The following GALNT13 variants were observed in gnomAD, a reference collection of about 807,000 sequenced individuals.
GALNT13 encodes the protein UDP-GalNAc:polypeptide N-acetylgalactosaminyltransferase 13.
In GALNT13, 28 loss-of-function variants were observed where a neutral mutation model predicts 64.2. That is an observed-to-expected ratio of 0.44 (90% CI 0.32 to 0.60). The LOEUF (loss-of-function observed/expected upper bound fraction) is 0.60, where lower values mean the gene tolerates loss of function less well. GALNT13 is among the 20% of genes least tolerant of loss of function. The pLI is 0.05. For synonymous variants in GALNT13, 214 were observed against 224.6 expected (o/e 0.95, Z 0.42); for missense variants, 577 against 669.8 (o/e 0.86, Z 1.53).
At chr2:154,274,273 G>A (rs1691516019) in intron 8 of GALNT13, among the ~76,000 whole-genome samples, 1 of 152,160 alleles carries the variant, frequency 6.6e-6, no homozygotes, top group East Asian at 1.9e-4. Flanking sequence ...AAGTTCAAAG[G>A]AGGGAACGAT....
At chr2:153,660,538 A>T in the GALNT13 span, among the ~76,000 whole-genome samples, 10 of 149,846 alleles carry the variant, frequency 6.7e-5, no homozygotes, top group Admixed American at 5.4e-4. Context: ...GGATTGGAGG[A>T]CATATATAAT....
the GALNT13 span, among the ~76,000 whole-genome samples, chr2:153,801,438 T>C: frequency 1.6e-4 from 24 of 152,078 alleles, no homozygotes; most frequent in East Asian, 2.9e-3. Flanking sequence ...GAGATATTAA[T>C]TGGACTACTT....
the GALNT13 span, among the ~76,000 whole-genome samples, chr2:153,318,751 A>G: frequency 6.6e-6 from 1 of 152,184 alleles, no homozygotes; most frequent in African/African-American, 2.4e-5. Flanking sequence ...CTGCACTAAT[A>G]TTATCTATGA....
chr2:153,718,168 G>T, the GALNT13 span, among the ~76,000 whole-genome samples: 1 of 151,872 alleles, frequency 6.6e-6, no homozygotes, highest in South Asian at 2.1e-4. Context: ...TTTCATCATT[G>T]TTACTATTAG....
the GALNT13 span, among the ~76,000 whole-genome samples, chr2:153,307,467 A>C: frequency 3.5e-4 from 54 of 152,312 alleles, no homozygotes; most frequent in African/African-American, 1.3e-3. Context: ...TACTGGATGA[A>C]CAATTACAAA....
chr2:154,372,935 C>T (rs1697781697), intron 9 of GALNT13, among the ~76,000 whole-genome samples: 1 of 152,034 alleles, frequency 6.6e-6, no homozygotes, highest in Non-Finnish European at 1.5e-5. Context: ...AAAAGATAAA[C>T]TCAGTTTTTT....
At chr2:154,331,481 T>TA (rs994886045) in intron 9 of GALNT13, among the ~76,000 whole-genome samples, 10 of 151,696 alleles carry the variant, frequency 6.6e-5, no homozygotes, top group African/African-American at 1.5e-4. Context: ...TTTTTTTTTT[T>TA]AAAATGTAGA....
chr2:153,659,404 C>T, the GALNT13 span, among the ~76,000 whole-genome samples: 4 of 152,054 alleles, frequency 2.6e-5, no homozygotes, highest in African/African-American at 7.2e-5. Context: ...CTACAGATAA[C>T]ACAAAAATGA....
chr2:153,637,627 T>C, the GALNT13 span, among the ~76,000 whole-genome samples: 1 of 152,156 alleles, frequency 6.6e-6, no homozygotes, highest in African/African-American at 2.4e-5. Context: ...ATGCATGTTA[T>C]CAATGAGTAT....
chr2:154,298,546 AT>A (rs1337662976), intron 8 of GALNT13, among the ~76,000 whole-genome samples: 1 of 89,824 alleles, frequency 1.1e-5, no homozygotes, highest in Non-Finnish European at 2.2e-5. Flanking sequence ...ATATTTATAT[AT>A]AAATTGTATA....
At chr2:153,135,149 T>C in the GALNT13 span, among the ~76,000 whole-genome samples, 2 of 152,150 alleles carry the variant, frequency 1.3e-5, no homozygotes, top group African/African-American at 4.8e-5. Flanking sequence ...TGCAGACAGC[T>C]ACCTTCTCAC....
intron 3 of GALNT13, among the ~76,000 whole-genome samples, chr2:154,129,663 A>G (rs948180692): frequency 6.6e-6 from 1 of 152,004 alleles, no homozygotes; most frequent in African/African-American, 2.4e-5. Flanking sequence ...AAAGATACAC[A>G]TCATCTTTAT....
At chr2:153,563,905 G>A in the GALNT13 span, among the ~76,000 whole-genome samples, 87 of 152,114 alleles carry the variant, frequency 5.7e-4, no homozygotes, top group African/African-American at 2.1e-3. Flanking sequence ...CCTTCACATT[G>A]GAACCAGTGT....
the GALNT13 span, among the ~76,000 whole-genome samples, chr2:153,661,640 A>G: frequency 2.6e-5 from 4 of 152,168 alleles, no homozygotes; most frequent in South Asian, 2.1e-4. Context: ...CACTTCTATA[A>G]TGCATAATTT....
the GALNT13 span, among the ~76,000 whole-genome samples, chr2:153,549,202 C>T: frequency 1.3e-5 from 2 of 152,104 alleles, no homozygotes; most frequent in Non-Finnish European, 2.9e-5. Flanking sequence ...TGCACAATCA[C>T]GTGAACATAC....
At chr2:153,955,241 T>C (rs1224823870) in intron 3 of GALNT13, among the ~76,000 whole-genome samples, 1 of 152,204 alleles carries the variant, frequency 6.6e-6, no homozygotes, top group African/African-American at 2.4e-5. Context: ...TTTGATACCA[T>C]TCATTCATTC....
chr2:153,839,991 G>A, the GALNT13 span, among the ~76,000 whole-genome samples: 1 of 151,994 alleles, frequency 6.6e-6, no homozygotes, highest in Non-Finnish European at 1.5e-5. Flanking sequence ...TTCAAAAGGT[G>A]ATAGGATAGG....
At chr2:153,104,801 T>C in the GALNT13 span, among the ~76,000 whole-genome samples, 1 of 152,182 alleles carries the variant, frequency 6.6e-6, no homozygotes, top group South Asian at 2.1e-4. Context: ...ATATAGAAGT[T>C]AGAATGCTTT....
At chr2:153,211,442 C>T in the GALNT13 span, among the ~76,000 whole-genome samples, 9 of 152,078 alleles carry the variant, frequency 5.9e-5, no homozygotes, top group Admixed American at 1.3e-4. Flanking sequence ...CGCACCCAGC[C>T]GACAAACCTT....
Sources: allele counts gnomAD v4.1 joint callset (sites outside exome capture counted in the v4.1 genomes callset), GRCh38; gene constraint gnomAD v4.1.1; transcripts MANE v1.5; gene names NCBI Gene and HGNC (gene_info 2026-07-23, HGNC 2026-07-21).